KLRG1: variants seen among roughly 807,000 people sequenced by gnomAD.
The protein encoded by KLRG1 is killer cell lectin like receptor G1.
A neutral mutation model predicts 21.8 loss-of-function variants in KLRG1; 16 were observed. That is an observed-to-expected ratio of 0.73 (90% CI 0.50 to 1.11). KLRG1 has a LOEUF of 1.11. Among genes scored for constraint, KLRG1 ranks in the 50% most tolerant of loss-of-function variants. The probability of loss-of-function intolerance (pLI) is 0.00; values close to 1 mark genes in which losing one functional copy is unlikely to be tolerated. For synonymous variants in KLRG1, 69 were observed against 75.9 expected, an observed-to-expected ratio of 0.91 and a Z score of 0.47; for missense variants, 173 against 218.3, an observed-to-expected ratio of 0.79 and a Z score of 1.31.
downstream of KLRG1, among the ~76,000 whole-genome samples, chr12:9,015,653 A>G (rs962271952): frequency 1.3e-5 from 2 of 152,214 alleles, no homozygotes; most frequent in Non-Finnish European, 1.5e-5. Context: ...CCTATAGACC[A>G]AGTGGACCTA....
In KLRG1 at chr12:9,010,186, T is replaced by TAAA. The variant is rs35591560; in HGVS notation, c.*662_*664dup. On this transcript the variant is annotated 3_prime_UTR_variant, in exon 5 of 5. Transcript: ENST00000356986. ...GGGAGATAGAGCAAGACTCCATCTC[T>TAAA]AAAAAAAAAAAAAAATGCTAATGTG... 24 of 421,162 alleles carry TAAA rather than the reference T, an allele frequency of 5.7e-5. No homozygotes were observed. Among genetic ancestry groups the TAAA allele is most frequent in the South Asian group, 1.4e-4 (3 of 22,186 alleles). 26.1% of individuals were successfully genotyped at this position (421,162 alleles called of 1,614,324 possible). A position where few individuals can be genotyped will look rare whatever the true frequency, so the allele number is the denominator to read the frequency against.
At chr12:9,192,575 C>T in the KLRG1 span, 6 of 1,614,064 alleles carry the variant, frequency 3.7e-6, no homozygotes, top group African/African-American at 1.3e-5. Flanking sequence ...TATAGTGTGC[C>T]GTGATAGTCT....
the KLRG1 span, among the ~76,000 whole-genome samples, chr12:9,196,173 A>G: frequency 1.3e-5 from 2 of 152,186 alleles, no homozygotes; most frequent in Non-Finnish European, 2.9e-5. Flanking sequence ...TTGTTTCATC[A>G]GTGATATTTA....
chr12:8,950,426 C>T (rs1426414953), intron 1 of KLRG1, among the ~76,000 whole-genome samples: 1 of 152,152 alleles, frequency 6.6e-6, no homozygotes, highest in Non-Finnish European at 1.5e-5. Flanking sequence ...TTGTAGGTTC[C>T]TTATGTCTTA....
At chr12:9,203,337 CTTTTTTTT>C in the KLRG1 span, among the ~76,000 whole-genome samples, 4 of 114,584 alleles carry the variant, frequency 3.5e-5, no homozygotes, top group Non-Finnish European at 5.3e-5. Flanking sequence ...AACTACATTC[CTTTTTTTT>C]TTTTTTTTTT....
the KLRG1 span, among the ~76,000 whole-genome samples, chr12:9,214,604 CT>C: frequency 1.5e-4 from 23 of 151,812 alleles, no homozygotes; most frequent in Middle Eastern, 6.8e-3. Context: ...ATTTTACTTT[CT>C]TTTTTTTAAA....
intron 3 of KLRG1, among the ~76,000 whole-genome samples, chr12:9,006,664 T>C (rs1446535834): frequency 6.6e-6 from 1 of 152,208 alleles, no homozygotes; most frequent in African/African-American, 2.4e-5. Flanking sequence ...GAGACTTGGA[T>C]GAATTCTTTC....
At chr12:9,027,945 G>C in the KLRG1 span, 6 of 918,802 alleles carry the variant, frequency 6.5e-6, no homozygotes, top group South Asian at 1.3e-5. Flanking sequence ...CTCTTGCTTT[G>C]ACAGTGCTTT....
At chr12:9,107,551 C>A in the KLRG1 span, 1 of 1,613,948 alleles carries the variant, frequency 6.2e-7, no homozygotes, top group South Asian at 1.1e-5. Flanking sequence ...CACAGAAAGC[C>A]TGTGAATCTT....
the KLRG1 span, chr12:9,160,293 AT>A: frequency 6.3e-7 from 1 of 1,582,840 alleles, no homozygotes; most frequent in Non-Finnish European, 8.6e-7. Context: ...AACAAAGTAA[AT>A]TTTTCTCTGT....
the KLRG1 span, among the ~76,000 whole-genome samples, chr12:9,202,120 T>C: frequency 6.6e-6 from 1 of 152,212 alleles, no homozygotes; most frequent in African/African-American, 2.4e-5. Flanking sequence ...GATTAAATAC[T>C]GTTATAAGAG....
the KLRG1 span, among the ~76,000 whole-genome samples, chr12:9,100,680 C>T: frequency 6.6e-6 from 1 of 152,202 alleles, no homozygotes; most frequent in South Asian, 2.1e-4. Context: ...TTCCCTCCCT[C>T]AACTTTCTTT....
chr12:9,153,270 T>G, the KLRG1 span: 1 of 1,614,194 alleles, frequency 6.2e-7, no homozygotes, highest in Non-Finnish European at 8.5e-7. Flanking sequence ...AACGGTGACC[T>G]GTGCAGTTTT....
chr12:9,049,322 G>A, the KLRG1 span, among the ~76,000 whole-genome samples: 377 of 152,282 alleles, frequency 2.5e-3, 2 homozygotes, highest in African/African-American at 8.5e-3. Flanking sequence ...GACAGATGCC[G>A]GTGGCGGAGT....
the KLRG1 span, among the ~76,000 whole-genome samples, chr12:9,080,816 G>C: frequency 6.6e-6 from 1 of 151,758 alleles, no homozygotes; most frequent in Non-Finnish European, 1.5e-5. Context: ...AGAGAAGTAT[G>C]GTATTTATTT....
downstream of KLRG1, among the ~76,000 whole-genome samples, chr12:9,015,168 A>G (rs1947682685): frequency 6.6e-6 from 1 of 152,010 alleles, no homozygotes; most frequent in Admixed American, 6.6e-5. Context: ...TATCAATAAC[A>G]ATATTGAATG....
the KLRG1 span, chr12:9,077,928 G>A: frequency 1.3e-6 from 2 of 1,579,636 alleles, no homozygotes; most frequent in African/African-American, 1.3e-5. Context: ...ACAGCAACAG[G>A]CTTCATATGA....
chr12:9,007,574 C>G (rs1393725543), intron 3 of KLRG1, among the ~76,000 whole-genome samples: 1 of 152,060 alleles, frequency 6.6e-6, no homozygotes, highest in Admixed American at 6.6e-5. Context: ...CCTGGCCCTC[C>G]CTTAACTTTA....
At chr12:9,098,732 G>A in the KLRG1 span, 4 of 1,613,018 alleles carry the variant, frequency 2.5e-6, no homozygotes, top group Non-Finnish European at 3.4e-6. Context: ...GGGAGACTTT[G>A]TGATGGGCTG....
Sources: gnomAD v4.1 joint callset for allele counts (sites outside exome capture counted in the v4.1 genomes callset) on GRCh38, gnomAD v4.1.1 for gene constraint, MANE v1.5 for transcripts, NCBI Gene and HGNC (gene_info 2026-07-23, HGNC 2026-07-21) for gene names.